Variants in ST6GALNAC4 observed in about 807,000 individuals in gnomAD.
ST6GALNAC4 encodes ST6 N-acetylgalactosaminide alpha-2,6-sialyltransferase 4, also known as alpha-N-acetyl-neuraminyl-2,3-beta-galactosyl-1,3-N-acetyl-galactosaminide alpha-2,6-sialyltransferase.
In ST6GALNAC4, 24 loss-of-function variants were observed where a neutral mutation model predicts 30.4. That is an observed-to-expected ratio of 0.79 (90% CI 0.57 to 1.11). ST6GALNAC4 has a LOEUF of 1.11. ST6GALNAC4 is among the 50% of genes most tolerant of loss of function. The pLI is 0.00. For missense variants in ST6GALNAC4, 365 were observed against 430.1 expected, an observed-to-expected ratio of 0.85 and a Z score of 1.34; for synonymous variants, 156 against 179.7, an observed-to-expected ratio of 0.87 and a Z score of 1.05.
intron 3 of ST6GALNAC4, 138 bp downstream of exon 3, chr9:127,914,518 A>AAAG (rs1831149663): frequency 2.0e-6 from 1 of 506,690 alleles, no homozygotes; most frequent in Non-Finnish European, 3.1e-6. Context: ...AAAAAAAAAA[A>AAAG]AGAACCTAGG....
At chr9:127,916,362 G>T (rs1831194503) in intron 2 of ST6GALNAC4, 46 bp downstream of exon 2, 2 of 1,613,848 alleles carry the variant, frequency 1.2e-6, no homozygotes, top group Non-Finnish European at 1.7e-6. Flanking sequence ...TGCTCCGCCA[G>T]TCGGGGCCTC....
intron 4 of ST6GALNAC4, 115 bp from the exon 5 acceptor site, chr9:127,910,173 C>CG (rs1831045373): frequency 6.2e-6 from 8 of 1,290,980 alleles, no homozygotes; most frequent in South Asian, 1.4e-5. Context: ...CAACCTCTTG[C>CG]GGGGGGCTCT....
intron 5 of ST6GALNAC4, among the ~76,000 whole-genome samples, chr9:127,909,238 A>C (rs1464554970): frequency 6.6e-6 from 1 of 152,044 alleles, no homozygotes; most frequent in Non-Finnish European, 1.5e-5. Context: ...AACTACAAAA[A>C]ATTAGCTGGG....
In ST6GALNAC4 at chr9:127,912,662, A is replaced by G. The variant is rs751393483; in HGVS notation, c.217T>C (p.Cys73Arg). ...PDGKPLVREP[C>R]RSCAVVSSSG... ...CTGGACACCACGGCACAGCTGCGGC[A>G]GGGCTCGCGGACCAGCGGCTGCAGG... is the stretch of plus-strand genomic sequence containing the variant. The change falls in exon 4 of 6, where the codon TGC becomes CGC. Residue 73 changes from cysteine to arginine, a missense_variant. By Grantham distance (180) the Cys-to-Arg change is radical (BLOSUM62 -3). Transcript: ENST00000335791. 3 of 1,580,182 alleles carry G rather than the reference A, an allele frequency of 1.9e-6. No homozygotes were observed. The highest frequency in any genetic ancestry group is 2.6e-6 in the Non-Finnish European group (3 of 1,164,616).
At chr9:127,908,754 C>T (rs1831000815) in intron 5 of ST6GALNAC4, among the ~76,000 whole-genome samples, 173 bp from the exon 6 acceptor site, 2 of 152,052 alleles carry the variant, frequency 1.3e-5, no homozygotes, top group Admixed American at 1.3e-4. Flanking sequence ...AGCCAGGGTT[C>T]GAGTCCTGGC....
Position 127,912,439 on chromosome 9 carries a change from A to G in ST6GALNAC4, c.440T>C (p.Leu147Pro). 1 of 1,614,088 alleles carries G rather than the reference A, an allele frequency of 6.2e-7. No homozygotes were observed. ...SHYFQKARDT[L>P]YMVWGQGRHM... Reference sequence around the variant, plus strand: ...CCTGCCCTGGCCCCACACCATGTAGAGCGTGTCTCGGGCCTTCTGGAAGTA... The same window carrying G: ...CCTGCCCTGGCCCCACACCATGTAGGGCGTGTCTCGGGCCTTCTGGAAGTA... Residue 147 changes from leucine to proline, a missense_variant, in exon 4 of 6, where the codon CTC (leucine) becomes CCC (proline). Coordinates refer to ENST00000335791, the MANE Select transcript of ST6GALNAC4 (RefSeq NM_175039.4).
chr9:127,912,605 C>T lies in ST6GALNAC4; in HGVS notation c.274G>A (p.Ala92Thr), dbSNP rs746885622. Residue 92 changes from alanine to threonine, a missense_variant, in exon 4 of 6, where the codon GCT (alanine) becomes ACT (threonine). Coordinates refer to ENST00000335791, the MANE Select transcript of ST6GALNAC4 (RefSeq NM_175039.4). ...SGQMLGSGLGAEIDSAECVFR... is the reference protein window; with the variant it reads ...SGQMLGSGLGTEIDSAECVFR... ...ACGCACTCGGCACTGTCGATCTCAG[C>T]ACCCAGGCCTGAGCCCAGCATTTGG... 6.8e-6 allele frequency: 11 copies of T among 1,608,482 alleles called. No homozygotes were observed. The highest frequency in any genetic ancestry group is 8.5e-7 in the Non-Finnish European group (1 of 1,179,618).
At chr9:127,909,786 A>AG (rs1831032122) in intron 5 of ST6GALNAC4, among the ~76,000 whole-genome samples, 165 bp downstream of exon 5, 1 of 152,154 alleles carries the variant, frequency 6.6e-6, no homozygotes, top group Non-Finnish European at 1.5e-5. Flanking sequence ...TTTGACACTG[A>AG]GCTCTTTCCC....
intron 3 of ST6GALNAC4, among the ~76,000 whole-genome samples, chr9:127,913,533 C>T (rs139104557): frequency 3.9e-5 from 6 of 151,950 alleles, no homozygotes; most frequent in South Asian, 2.1e-4. Context: ...TGCAGTGAGC[C>T]GAGATTGCGC....
intron 2 of ST6GALNAC4, among the ~76,000 whole-genome samples, chr9:127,915,606 A>T (rs1395806342): frequency 3.9e-5 from 6 of 152,256 alleles, no homozygotes; most frequent in Admixed American, 3.3e-4. Flanking sequence ...TCTGGCCTAG[A>T]CCCAGCCTGG....
intron 4 of ST6GALNAC4, chr9:127,910,296 C>T: frequency 7.7e-7 from 1 of 1,299,116 alleles, no homozygotes; most frequent in Non-Finnish European, 9.9e-7. Flanking sequence ...GGGCTCGGGC[C>T]CAGCTACGCT....
rs138532276 is a variant in ST6GALNAC4 at position 127,910,031 on chromosome 9, G to A, written c.639C>T (p.Thr213=). 168 of 1,613,390 alleles carry A rather than the reference G, an allele frequency of 1.0e-4. No homozygotes were observed. Among genetic ancestry groups the A allele is most frequent in the Admixed American group, 1.7e-4 (10 of 59,994 alleles). The stretch of plus-strand genomic sequence containing the variant: ...GCGCGAGGATCATGGTGAACCAGCC[G>A]GTGCTGAGGAAGGAGCCCGACTGCC... ...NRRQSGSFLS[T]GWFTMILALE... The change falls in exon 5 of 6, where the codon ACC becomes ACT. Residue 213 remains threonine (T), a synonymous_variant. Transcript: ENST00000335791.
chr9:127,912,174 G>T, intron 4 of ST6GALNAC4, 94 bp downstream of exon 4: 3 of 1,487,196 alleles, frequency 2.0e-6, no homozygotes, highest in Non-Finnish European at 2.7e-6. Context: ...TGACCTCCCG[G>T]GCCTGACAGA....
In ST6GALNAC4 at chr9:127,908,413, A is replaced by G. The variant is rs754693523; in HGVS notation, c.888T>C (p.His296=). 3.8e-6 allele frequency: 6 copies of G among 1,576,200 alleles called. No individual in the cohort carries two copies. The Admixed American group carries it at 6.9e-5, about 18-fold the overall frequency. ...GAAGCTACTCAGTCCTCCAGGACGG[A>G]TGGGCGAACACGATGGGCCTCTTCT... The part of the protein sequence containing the change: ...WAKKRPIVFA[H]PSWRTE The change falls in exon 6 of 6, where the codon CAT becomes CAC. Residue 296 remains histidine, a synonymous_variant. Transcript: ENST00000335791.
intron 3 of ST6GALNAC4, 69 bp from the exon 4 acceptor site, chr9:127,912,749 C>T: frequency 6.9e-7 from 1 of 1,441,014 alleles, no homozygotes; most frequent in South Asian, 1.4e-5. Flanking sequence ...TGCAGCTCCC[C>T]CTGGAATATC....
chr9:127,908,180 A>T lies in ST6GALNAC4; in HGVS notation c.*212T>A, dbSNP rs988444011. 1.6e-4 allele frequency: 27 copies of T among 168,444 alleles called. No individual in the cohort carries two copies. Among genetic ancestry groups the T allele is most frequent in the East Asian group, 2.7e-4 (2 of 7,290 alleles). The allele number at this position is 168,444 out of a possible 1,614,324, so 10.4% of individuals were successfully genotyped here. ...GAATTACTCAGGGAGTGGAGGGGGGAGACACGGCTCCCCCCTCCACTCCCC... is the reference window on the plus strand; with the variant it reads ...GAATTACTCAGGGAGTGGAGGGGGGTGACACGGCTCCCCCCTCCACTCCCC... On this transcript the variant is annotated 3_prime_UTR_variant, in exon 6 of 6. Transcript: ENST00000335791.
rs950161479 is a variant in ST6GALNAC4 at position 127,912,775 on chromosome 9, A to T, written c.199-95T>A. On this transcript the variant is annotated intron_variant, in intron 3 of 5. Transcript: ENST00000335791. ...CTGGAATATCCACCAATCTTGCTTGATCAGGTATCGGCTTGAAGGACTGTT... is the reference window on the plus strand; with the variant it reads ...CTGGAATATCCACCAATCTTGCTTGTTCAGGTATCGGCTTGAAGGACTGTT... The T allele has an allele frequency of 2.2e-5, 31 of 1,399,200 alleles. No individual in the cohort carries two copies. The Middle Eastern group carries it at 6.5e-4, about 29-fold the overall frequency. The allele number at this position is 1,399,200 out of a possible 1,614,324, so 86.7% of individuals were successfully genotyped here.
At chr9:127,913,560 GT>G (rs2131623202) in intron 3 of ST6GALNAC4, among the ~76,000 whole-genome samples, 1 of 152,274 alleles carries the variant, frequency 6.6e-6, no homozygotes, top group Non-Finnish European at 1.5e-5. Flanking sequence ...ACTCCAGCCT[GT>G]TGACAGAGTG....
chr9:127,912,721 C>A, intron 3 of ST6GALNAC4, 41 bp from the exon 4 acceptor site: 3 of 1,506,482 alleles, frequency 2.0e-6, no homozygotes, highest in Non-Finnish European at 2.7e-6. Flanking sequence ...GAGGCATGAA[C>A]ACGCAGCTTA....
Sources: gnomAD v4.1 joint callset for allele counts (sites outside exome capture counted in the v4.1 genomes callset) on GRCh38, gnomAD v4.1.1 for gene constraint, MANE v1.5 for transcripts, NCBI Gene and HGNC (gene_info 2026-07-23, HGNC 2026-07-21) for gene names.